The following PRDM6 variants were observed in gnomAD, a reference collection of about 807,000 sequenced individuals.
PRDM6 encodes the protein PR/SET domain 6, also known as putative histone-lysine N-methyltransferase PRDM6.
A neutral mutation model predicts 60.8 loss-of-function variants in PRDM6; 25 were observed. The ratio of observed to expected loss-of-function variants is 0.41; its 90% CI spans 0.30 to 0.57. The LOEUF (loss-of-function observed/expected upper bound fraction) is 0.57, where lower values mean the gene tolerates loss of function less well. Among genes scored for constraint, PRDM6 ranks in the 20% least tolerant of loss-of-function variants. The pLI is 0.27. For missense variants in PRDM6, 839 were observed against 821.3 expected (o/e 1.02, Z -0.26); for synonymous variants, 407 against 357.4 (o/e 1.14, Z -1.57).
At position 123,189,983 on chromosome 5, in the gene PRDM6, A is replaced by C. The variant is rs1766375353; in HGVS notation, c.*2782A>C. On this transcript the variant is annotated 3_prime_UTR_variant, in exon 8 of 8. Coordinates refer to ENST00000407847, the MANE Select transcript of PRDM6 (RefSeq NM_001136239.4). Reference sequence around the variant, plus strand: ...GACACACAGTCCCCTGGGATACAGCAAATGGGTGGTAGAAATTGCAGTCGT... The same window carrying C: ...GACACACAGTCCCCTGGGATACAGCCAATGGGTGGTAGAAATTGCAGTCGT... The C allele has an allele frequency of 6.6e-6, 1 of 152,256 alleles. No individual in the cohort carries two copies. The highest frequency in any genetic ancestry group is 2.4e-5 in the African/African-American group (1 of 41,472). The allele number at this position is 152,256 out of a possible 1,614,324, so 9.4% of individuals were successfully genotyped here. A position where few individuals can be genotyped will look rare whatever the true frequency, so the allele number is the denominator to read the frequency against.
intron 5 of PRDM6, among the ~76,000 whole-genome samples, chr5:123,162,724 G>A (rs1403447974): frequency 6.6e-6 from 1 of 152,170 alleles, no homozygotes; most frequent in Admixed American, 6.5e-5. Flanking sequence ...TTCAGTTCCT[G>A]TCTCAGAGTC....
chr5:123,119,317 T>G (rs1162675319), intron 3 of PRDM6, among the ~76,000 whole-genome samples: 1 of 150,574 alleles, frequency 6.6e-6, no homozygotes, highest in Admixed American at 6.6e-5. Context: ...ACAAAATGAG[T>G]GATAAGGGTT....
At chr5:123,145,938 G>A (rs987608656) in intron 3 of PRDM6, among the ~76,000 whole-genome samples, 1 of 152,202 alleles carries the variant, frequency 6.6e-6, no homozygotes, top group East Asian at 1.9e-4. Context: ...TTACTTCATT[G>A]GGACAAACAT....
At chr5:123,123,383 C>T (rs1764623825) in intron 3 of PRDM6, among the ~76,000 whole-genome samples, 1 of 152,152 alleles carries the variant, frequency 6.6e-6, no homozygotes, top group African/African-American at 2.4e-5. Context: ...AAGCTTTTGG[C>T]TCTCATTCCA....
intron 4 of PRDM6, among the ~76,000 whole-genome samples, chr5:123,157,605 GA>G (rs1765532008): frequency 6.6e-6 from 1 of 152,080 alleles, no homozygotes; most frequent in Non-Finnish European, 1.5e-5. Context: ...TTTACAAAAT[GA>G]AATACAAAAG....
chr5:123,131,269 A>G (rs981174867), intron 3 of PRDM6, among the ~76,000 whole-genome samples: 3 of 152,176 alleles, frequency 2.0e-5, no homozygotes, highest in Admixed American at 6.5e-5. Flanking sequence ...CACTAGCACA[A>G]TAGGGCAGCC....
intron 7 of PRDM6, among the ~76,000 whole-genome samples, chr5:123,181,570 C>T (rs1766162595): frequency 6.6e-6 from 1 of 152,152 alleles, no homozygotes; most frequent in Admixed American, 6.5e-5. Context: ...TTACAGCTCT[C>T]TTCACTCATT....
At chr5:123,135,338 C>T (rs1764930857) in intron 3 of PRDM6, among the ~76,000 whole-genome samples, 1 of 152,164 alleles carries the variant, frequency 6.6e-6, no homozygotes, top group Non-Finnish European at 1.5e-5. Flanking sequence ...TTTAAGGCAA[C>T]ATTAAGACTT....
intron 7 of PRDM6, 41 bp from the exon 8 acceptor site, chr5:123,187,046 C>G: frequency 6.9e-7 from 1 of 1,442,856 alleles, no homozygotes; most frequent in Non-Finnish European, 9.5e-7. Flanking sequence ...ACCCTGCAGG[C>G]CCCGCTCCCT....
intron 3 of PRDM6, among the ~76,000 whole-genome samples, chr5:123,155,525 C>T (rs1019656002): frequency 1.3e-5 from 2 of 151,986 alleles, no homozygotes; most frequent in Admixed American, 1.3e-4. Flanking sequence ...GTGGATGTTC[C>T]AACAATGTCA....
At position 123,128,456 on chromosome 5, in the gene PRDM6, C is replaced by G. The variant is rs1335869345; in HGVS notation, c.901-27428C>G. On this transcript the variant is annotated intron_variant, in intron 3 of 7. Coordinates refer to ENST00000407847, the MANE Select transcript of PRDM6 (RefSeq NM_001136239.4). ...TTGTTTCCTGACTTTTTAATGATCA[C>G]CATTGTAACTGGCGTGAGATGGTAT... Among the ~76,000 whole-genome samples the G allele has an allele frequency of 3.9e-5, 6 of 152,196 alleles. No homozygotes were observed. The East Asian group carries it at 9.6e-4, about 24-fold the overall frequency.
chr5:123,099,855 C>T lies in PRDM6; in HGVS notation c.794C>T (p.Ala265Val), dbSNP rs1170753091. The T allele has an allele frequency of 1.2e-5, 19 of 1,550,364 alleles. No homozygotes were observed. Among genetic ancestry groups the T allele is most frequent in the Middle Eastern group, 1.7e-4 (1 of 6,008 alleles). Reference sequence around the variant, plus strand: ...GGCCTGGCCTACGGCATCTGCGCGGCGCAGAGGATCCAGCAAGGCACCTGG... The same window carrying T: ...GGCCTGGCCTACGGCATCTGCGCGGTGCAGAGGATCCAGCAAGGCACCTGG... ...VPGLAYGICA[A>V]QRIQQGTWIG... The change falls in exon 3 of 8, where the codon GCG (alanine) becomes GTG (valine). Residue 265 changes from alanine (A) to valine (V), a missense_variant. Physicochemically the swap from Ala to Val is moderately conservative, Grantham distance 64. Transcript: ENST00000407847. This position sits in a 1 kb window ranked among gnomAD's most constrained non-coding sequence, Gnocchi z 4.0.
chr5:123,165,945 C>T (rs1765742343), intron 5 of PRDM6, among the ~76,000 whole-genome samples: 1 of 152,204 alleles, frequency 6.6e-6, no homozygotes, highest in South Asian at 2.1e-4. Context: ...CTATGGGTCA[C>T]ATAGAGTCTC....
rs184883068 is a variant in PRDM6, at chr5:123,171,184, C to T, written c.1496+76C>T. Reference sequence around the variant, plus strand: ...GCTTGCCTTCCCGCCAACTTCTGAGCACCTCCACAGGGGAAGCCCTGTGAT... The same window carrying T: ...GCTTGCCTTCCCGCCAACTTCTGAGTACCTCCACAGGGGAAGCCCTGTGAT... On this transcript the variant is annotated intron_variant, in intron 6 of 7. Coordinates refer to ENST00000407847, the MANE Select transcript of PRDM6 (RefSeq NM_001136239.4). 994 of 1,201,180 alleles carry T rather than the reference C, an allele frequency of 8.3e-4. 13 individuals are homozygous for T. In the Admixed American group the frequency reaches 0.023, roughly 28 times the overall value. 74.4% of individuals were successfully genotyped at this position (1,201,180 alleles called of 1,614,324 possible).
At chr5:123,167,476 G>A (rs921583317) in intron 5 of PRDM6, among the ~76,000 whole-genome samples, 3 of 151,288 alleles carry the variant, frequency 2.0e-5, no homozygotes, top group East Asian at 1.9e-4. Flanking sequence ...CGCAACCTCT[G>A]CCTCCCAGGT....
intron 3 of PRDM6, among the ~76,000 whole-genome samples, chr5:123,122,953 A>C (rs1024755446): frequency 1.3e-5 from 2 of 152,176 alleles, no homozygotes; most frequent in African/African-American, 2.4e-5. Context: ...GACTTGCTTA[A>C]ATTTTTCCCC....
chr5:123,125,373 C>T (rs335157), intron 3 of PRDM6, among the ~76,000 whole-genome samples: 21,817 of 105,018 alleles, frequency 0.21, 1,949 homozygotes, highest in Non-Finnish European at 0.27. Flanking sequence ...GAGTAGCAAA[C>T]ACCCCAAAGC....
chr5:123,149,665 T>C (rs1052827702), intron 3 of PRDM6, among the ~76,000 whole-genome samples: 13 of 152,330 alleles, frequency 8.5e-5, no homozygotes, highest in Admixed American at 3.9e-4. Flanking sequence ...AATGCTTCCT[T>C]ACCGTTTTCT....
Position 123,089,460 on chromosome 5 carries a change from G to T in PRDM6, c.-75G>T. On this transcript the variant is annotated 5_prime_UTR_variant, in exon 1 of 8. Transcript: ENST00000407847. ...TAGCGCACGCAGGGCGCACACTCTCGCGCACCCGCACGCTCACCGAGACAC... is the reference window on the plus strand; with the variant it reads ...TAGCGCACGCAGGGCGCACACTCTCTCGCACCCGCACGCTCACCGAGACAC... 2 of 132,136 alleles carry T rather than the reference G, an allele frequency of 1.5e-5. No homozygotes were observed. The highest frequency in any genetic ancestry group is 3.3e-5 in the Non-Finnish European group (2 of 61,020). The allele number at this position is 132,136 out of a possible 1,614,324, so 8.2% of individuals were successfully genotyped here. A position where few individuals can be genotyped will look rare whatever the true frequency, so the allele number is the denominator to read the frequency against.
Sources: allele counts gnomAD v4.1 joint callset (sites outside exome capture counted in the v4.1 genomes callset), GRCh38; gene constraint gnomAD v4.1.1; non-coding constraint Gnocchi (gnomAD v3.1); transcripts MANE v1.5; gene names NCBI Gene and HGNC (gene_info 2026-07-23, HGNC 2026-07-21).